The following CTBP2 variants were observed in gnomAD, a reference collection of about 807,000 sequenced individuals.
CTBP2 encodes the protein C-terminal binding protein 2, also known as C-terminal-binding protein 2.
Under a neutral mutation model 80.3 loss-of-function variants are expected in CTBP2, and 30 were observed. That is an observed-to-expected ratio of 0.37 (90% confidence interval 0.28 to 0.51). The LOEUF (loss-of-function observed/expected upper bound fraction) is 0.51, where lower values mean the gene tolerates loss of function less well. Ranked by LOEUF, CTBP2 falls within the 20% of genes least tolerant of loss-of-function variation. CTBP2 has a pLI of 0.93. For missense variants in CTBP2, 1,212 were observed against 1,375.3 expected, an observed-to-expected ratio of 0.88 and a Z score of 1.88; for synonymous variants, 594 against 587.4, an observed-to-expected ratio of 1.01 and a Z score of -0.16.
At chr10:125,002,548 T>C (rs1954670210) in intron 3 of CTBP2, among the ~76,000 whole-genome samples, 1 of 152,166 alleles carries the variant, frequency 6.6e-6, no homozygotes, top group South Asian at 2.1e-4. Context: ...GACAGGGGCC[T>C]AGAGCTGTGC....
Position 125,158,177 on chromosome 10 carries a change from G to T in CTBP2, c.-206+2142C>A, listed in dbSNP as rs904774614. On this transcript the variant is annotated intron_variant, in intron 1 of 10. Coordinates refer to the CTBP2 transcript ENST00000337195. ...TTTATATTTAAAAAAAAAGGGGGGGGTTAAAAACCTCAGAATTCTCAAAGT... is the reference window on the plus strand; with the variant it reads ...TTTATATTTAAAAAAAAAGGGGGGGTTTAAAAACCTCAGAATTCTCAAAGT... Among the ~76,000 whole-genome samples the T allele has an allele frequency of 4.6e-5, 7 of 151,946 alleles. No individual in the cohort carries two copies. In the South Asian group the frequency reaches 1.2e-3, roughly 27 times the overall value.
At chr10:125,143,655 A>G (rs932609848) in intron 1 of CTBP2, among the ~76,000 whole-genome samples, 1 of 148,496 alleles carries the variant, frequency 6.7e-6, no homozygotes, top group Non-Finnish European at 1.5e-5. Context: ...CGGGAAGTGT[A>G]CAAAACATAA....
chr10:125,135,867 T>C (rs1856897542), intron 1 of CTBP2, among the ~76,000 whole-genome samples: 1 of 152,102 alleles, frequency 6.6e-6, no homozygotes, highest in Admixed American at 6.5e-5. Context: ...GAAGTCGGCC[T>C]CCCAGGGCAG....
intron 2 of CTBP2, among the ~76,000 whole-genome samples, chr10:125,094,481 C>T (rs1004835766): frequency 7.9e-5 from 12 of 152,282 alleles, no homozygotes; most frequent in African/African-American, 2.2e-4. Context: ...TCAGGGAGGA[C>T]GCTCCACCTC....
intron 2 of CTBP2, among the ~76,000 whole-genome samples, chr10:125,098,736 G>GAC (rs1564914448): frequency 1.1e-4 from 14 of 122,544 alleles, no homozygotes; most frequent in African/African-American, 4.1e-4. Context: ...GAGAGAGAGA[G>GAC]AGAGAGAGAG....
chr10:125,113,758 T>C (rs762395015), intron 1 of CTBP2, among the ~76,000 whole-genome samples: 1 of 152,162 alleles, frequency 6.6e-6, no homozygotes, highest in South Asian at 2.1e-4. Context: ...AGATATTTCA[T>C]AGTAAAATTA....
intron 1 of CTBP2, among the ~76,000 whole-genome samples, chr10:125,015,860 G>A (rs1431017756): frequency 2.0e-5 from 3 of 152,226 alleles, no homozygotes; most frequent in Non-Finnish European, 4.4e-5. Flanking sequence ...CTCGCCGGCC[G>A]CACAAGAGGC....
At chr10:125,022,149 C>T (rs1957108217) in intron 1 of CTBP2, among the ~76,000 whole-genome samples, 1 of 152,222 alleles carries the variant, frequency 6.6e-6, no homozygotes, top group Non-Finnish European at 1.5e-5. Flanking sequence ...TCCCCTGGCC[C>T]CAGTCTGGCT....
At chr10:125,055,321 A>T (rs1963660194) in intron 2 of CTBP2, among the ~76,000 whole-genome samples, 1 of 152,226 alleles carries the variant, frequency 6.6e-6, no homozygotes, top group South Asian at 2.1e-4. Context: ...AGCTGGCCTC[A>T]ACTGCAACAC....
At chr10:125,098,528 G>A (rs905237642) in intron 2 of CTBP2, among the ~76,000 whole-genome samples, 3 of 152,072 alleles carry the variant, frequency 2.0e-5, no homozygotes, top group Non-Finnish European at 2.9e-5. Context: ...CCATGCTTCC[G>A]AGGATGGGGG....
chr10:124,987,490 C>T lies in CTBP2; in HGVS notation c.*2028G>A, dbSNP rs1024248652. On this transcript the variant is annotated 3_prime_UTR_variant, in exon 9 of 9. Coordinates refer to ENST00000309035, the MANE Select transcript of CTBP2 (RefSeq NM_022802.3). Reference sequence around the variant, plus strand: ...AGGTTCATCGTGTCCCAGACTTCTTCACATATTCGTGAAGGTAAGATATTC... The same window carrying T: ...AGGTTCATCGTGTCCCAGACTTCTTTACATATTCGTGAAGGTAAGATATTC... 1 of 152,290 alleles carries T rather than the reference C, an allele frequency of 6.6e-6. No individual in the cohort carries two copies. Among genetic ancestry groups the T allele is most frequent in the African/African-American group, 2.4e-5 (1 of 41,542 alleles). 9.4% of individuals were successfully genotyped at this position (152,290 alleles called of 1,614,324 possible). A position where few individuals can be genotyped will look rare whatever the true frequency, so the allele number is the denominator to read the frequency against.
At chr10:125,105,318 T>A (rs57948717) in intron 2 of CTBP2, among the ~76,000 whole-genome samples, 36,697 of 151,984 alleles carry the variant, frequency 0.24, 5,312 homozygotes, top group African/African-American at 0.4. Flanking sequence ...GCTGATTTTT[T>A]AAAAAAATTT....
At chr10:125,033,588 G>A (rs745832670) in intron 3 of CTBP2, among the ~76,000 whole-genome samples, 2 of 152,172 alleles carry the variant, frequency 1.3e-5, no homozygotes, top group Non-Finnish European at 2.9e-5. Flanking sequence ...CGCGCAGAAG[G>A]TTCTCCGCAT....
intron 1 of CTBP2, among the ~76,000 whole-genome samples, chr10:125,006,759 C>A (rs1955296960): frequency 6.6e-6 from 1 of 152,158 alleles, no homozygotes; most frequent in Non-Finnish European, 1.5e-5. Context: ...GGAACACGAC[C>A]CTTTCAGGGA....
intron 1 of CTBP2, chr10:125,005,723 G>T (rs1363630021): frequency 6.2e-7 from 1 of 1,612,936 alleles, no homozygotes; most frequent in Admixed American, 1.7e-5. Flanking sequence ...AATTCCACAA[G>T]ATTCCTTCTG....
At chr10:125,029,435 A>G (rs1376125880), upstream of CTBP2, among the ~76,000 whole-genome samples, 1 of 151,826 alleles carries the variant, frequency 6.6e-6, no homozygotes, top group African/African-American at 2.4e-5. Flanking sequence ...AGAGCCTACC[A>G]TGTCTCTACT....
intron 1 of CTBP2, among the ~76,000 whole-genome samples, chr10:125,128,604 A>T (rs886308217): frequency 7.9e-5 from 12 of 152,212 alleles, no homozygotes; most frequent in African/African-American, 2.2e-4. Flanking sequence ...GGTGGGGGTC[A>T]AGGGAGAGGA....
chr10:125,037,581 A>G (rs1161777881), intron 3 of CTBP2, among the ~76,000 whole-genome samples: 4 of 152,250 alleles, frequency 2.6e-5, no homozygotes, highest in Admixed American at 2.6e-4. Context: ...CTGAAAGTCA[A>G]AAAAGCCCAG....
At chr10:125,064,377 C>T (rs1844310950) in intron 2 of CTBP2, among the ~76,000 whole-genome samples, 1 of 152,162 alleles carries the variant, frequency 6.6e-6, no homozygotes, top group South Asian at 2.1e-4. Flanking sequence ...GTACTTCTTC[C>T]AAACTCAGGC....
Sources: gnomAD v4.1 joint callset for allele counts (sites outside exome capture counted in the v4.1 genomes callset) on GRCh38, gnomAD v4.1.1 for gene constraint, MANE v1.5 for transcripts, NCBI Gene and HGNC (gene_info 2026-07-23, HGNC 2026-07-21) for gene names.